Variants in CABP5 observed in about 807,000 individuals in gnomAD.
The protein encoded by CABP5 is calcium-binding protein 5.
A neutral mutation model predicts 21.9 loss-of-function variants in CABP5; 17 were observed. The ratio of observed to expected loss-of-function variants is 0.78; its 90% confidence interval spans 0.53 to 1.17. CABP5 has a LOEUF of 1.17. Ranked by LOEUF, CABP5 falls within the 50% of genes most tolerant of loss-of-function variation. CABP5 has a pLI of 0.00. For missense variants in CABP5, 229 were observed against 228.9 expected (o/e 1.00, Z 0.00); for synonymous variants, 85 against 79.4 (o/e 1.07, Z -0.37).
At chr19:48,042,407 T>C (rs1407486115) in intron 1 of CABP5, among the ~76,000 whole-genome samples, 1 of 152,208 alleles carries the variant, frequency 6.6e-6, no homozygotes, top group African/African-American at 2.4e-5. Context: ...CTCCTGCACA[T>C]ACCTGAAGGG....
intron 1 of CABP5, among the ~76,000 whole-genome samples, chr19:48,042,598 A>G (rs141475342): frequency 0.011 from 1,574 of 145,054 alleles, 29 homozygotes; most frequent in African/African-American, 0.039. Context: ...TTTTTGAGAC[A>G]CAGTCTCGCT....
rs57230665 is a variant in CABP5 at position 48,037,259 on chromosome 19, CTTTTTTTTTT to C, written c.348+1939_348+1948del. 5.2e-3 allele frequency among the ~76,000 whole-genome samples: 234 copies of C among 44,984 alleles called. 7 individuals are homozygous for C. The highest frequency in any genetic ancestry group is 0.012 in the Admixed American group (25 of 2,054). 29.5% of individuals were successfully genotyped at this position (44,984 alleles called of 152,430 possible). ...AAGTACACAATGGAATACTATTCAG[CTTTTTTTTTT>C]TTTTTTTTTTTTTTTTGAGGTGGAG... is the stretch of plus-strand genomic sequence containing the variant. On this transcript the variant is annotated intron_variant, in intron 4 of 5. Transcript: ENST00000293255.
intron 4 of CABP5, among the ~76,000 whole-genome samples, chr19:48,038,986 G>GT (rs1042138259): frequency 1.3e-5 from 2 of 149,298 alleles, no homozygotes; most frequent in Admixed American, 6.7e-5. Context: ...TTGTTTGTTT[G>GT]TTTTTTTGAG....
rs3745746 is a variant in CABP5 at position 48,034,328 on chromosome 19, A to G, written c.383T>C (p.Val128Ala). Residue 128 changes from valine (V) to alanine (A), a missense_variant, in exon 5 of 6, where the codon GTG becomes GCG. Physicochemically the swap from Val to Ala is moderately conservative, Grantham distance 64 (BLOSUM62 0). Coordinates refer to ENST00000293255, the MANE Select transcript of CABP5 (RefSeq NM_019855.5). ...TCTCTGCATGGCCTGCTGTAGCTCCACCAGGGTGATCTCCCCATCTCCATT... is the reference window on the plus strand; with the variant it reads ...TCTCTGCATGGCCTGCTGTAGCTCCGCCAGGGTGATCTCCCCATCTCCATT... Reference protein sequence around the residue: ...DTNGDGEITLVELQQAMQRLL... With the variant: ...DTNGDGEITLAELQQAMQRLL... The G allele has an allele frequency of 0.36, 576,441 of 1,597,842 alleles. 108,724 individuals are homozygous for G. Among genetic ancestry groups the G allele is most frequent in the Middle Eastern group, 0.43 (2,583 of 6,010 alleles).
intron 5 of CABP5, among the ~76,000 whole-genome samples, chr19:48,033,100 C>G (rs993964229): frequency 2.7e-5 from 4 of 149,476 alleles, no homozygotes; most frequent in African/African-American, 9.9e-5. Flanking sequence ...CCCCAGCGTT[C>G]TAGCAATTCT....
intron 4 of CABP5, among the ~76,000 whole-genome samples, chr19:48,036,889 AAATATC>A: frequency 6.6e-6 from 1 of 152,240 alleles, no homozygotes; most frequent in African/African-American, 2.4e-5. Flanking sequence ...AACCACAATG[AAATATC>A]ACCTCACATC....
intron 1 of CABP5, among the ~76,000 whole-genome samples, chr19:48,043,194 A>C (rs1967504434): frequency 1.3e-5 from 2 of 151,478 alleles, no homozygotes; most frequent in Admixed American, 1.3e-4. Flanking sequence ...TATTTTTAGT[A>C]GAGATGGGGT....
In CABP5 at chr19:48,030,473, T is replaced by C; in HGVS notation, c.*84A>G. On this transcript the variant is annotated 3_prime_UTR_variant, in exon 6 of 6. Coordinates refer to ENST00000293255, the MANE Select transcript of CABP5 (RefSeq NM_019855.5). The stretch of plus-strand genomic sequence containing the variant: ...GCCCTCCCTCTCTGCTTTAAGGGGA[T>C]CTGGGGCTTTTGGGCTTTGGTTCTC... 1.4e-6 allele frequency: 2 copies of C among 1,421,706 alleles called. No homozygotes were observed. The highest frequency in any genetic ancestry group is 1.9e-6 in the Non-Finnish European group (2 of 1,025,994). 88.1% of individuals were successfully genotyped at this position (1,421,706 alleles called of 1,614,324 possible). A position where few individuals can be genotyped will look rare whatever the true frequency, so the allele number is the denominator to read the frequency against.
rs867464549 is a variant in CABP5 at position 48,029,794 on chromosome 19, C to G, written c.*763G>C. ...ATGTGGGAGGGGAGACAGAGACAGACAGACAGAGAGAGAGAGAGAGAGAGA... is the reference window on the plus strand; with the variant it reads ...ATGTGGGAGGGGAGACAGAGACAGAGAGACAGAGAGAGAGAGAGAGAGAGA... On this transcript the variant is annotated 3_prime_UTR_variant, in exon 6 of 6. Transcript: ENST00000293255. 1.1e-4 allele frequency among the ~76,000 whole-genome samples: 9 copies of G among 85,462 alleles called. No individual in the cohort carries two copies. The highest frequency in any genetic ancestry group is 2.0e-4 in the African/African-American group (5 of 24,978). 56.1% of individuals were successfully genotyped at this position (85,462 alleles called of 152,430 possible). A position where few individuals can be genotyped will look rare whatever the true frequency, so the allele number is the denominator to read the frequency against.
intron 2 of CABP5, 22 bp from the exon 3 acceptor site, chr19:48,040,770 TG>T (rs1455648335): frequency 2.5e-6 from 4 of 1,613,056 alleles, no homozygotes; most frequent in Non-Finnish European, 3.4e-6. Flanking sequence ...GAGAGAACTT[TG>T]GGGGAACTTG....
intron 4 of CABP5, among the ~76,000 whole-genome samples, chr19:48,038,070 T>C (rs1300724534): frequency 6.6e-6 from 1 of 152,064 alleles, no homozygotes; most frequent in Non-Finnish European, 1.5e-5. Context: ...CCCACCACCA[T>C]GTCTGGCTAA....
rs772482700 is a variant in CABP5 at position 48,039,703 on chromosome 19, C to CTTTTTT, written c.239-392_239-387dup. Among the ~76,000 whole-genome samples the CTTTTTT allele has an allele frequency of 3.9e-4, 23 of 59,232 alleles. 5 individuals are homozygous for CTTTTTT. Among genetic ancestry groups the CTTTTTT allele is most frequent in the African/African-American group, 7.0e-4 (10 of 14,252 alleles). The allele number at this position is 59,232 out of a possible 152,430, so 38.9% of individuals were successfully genotyped here. On this transcript the variant is annotated intron_variant, in intron 3 of 5. Transcript: ENST00000293255. ...ACATGCCCAGAAGCAAACCCAATAG[C>CTTTTTT]TTTTTTTTTTTTTTTTTTTTTTTTT... is the stretch of plus-strand genomic sequence containing the variant.
At chr19:48,036,145 G>C (rs980362256) in intron 4 of CABP5, among the ~76,000 whole-genome samples, 79 of 151,936 alleles carry the variant, frequency 5.2e-4, no homozygotes, top group African/African-American at 1.8e-3. Flanking sequence ...ACTAGTTAAG[G>C]GTGTGCAGGG....
rs1194158859 is a variant in CABP5, at chr19:48,034,348, T to G, written c.363A>C (p.Gly121=). Residue 121 remains glycine, a synonymous_variant, in exon 5 of 6, where the codon GGA becomes GGC. Transcript: ENST00000293255. Reference sequence around the variant, plus strand: ...GCTCCACCAGGGTGATCTCCCCATCTCCATTCGTGTCAAACTGAATAGAAG... The same window carrying G: ...GCTCCACCAGGGTGATCTCCCCATCGCCATTCGTGTCAAACTGAATAGAAG... ...RDAFKEFDTN[G]DGEITLVELQ... is the part of the protein sequence containing the mutation. 6.4e-7 allele frequency: 1 copy of G among 1,569,226 alleles called. No homozygotes were observed. Among genetic ancestry groups the G allele is most frequent in the South Asian group, 1.2e-5 (1 of 84,664 alleles).
intron 5 of CABP5, among the ~76,000 whole-genome samples, chr19:48,033,207 T>G (rs1404725010): frequency 6.6e-6 from 1 of 152,118 alleles, no homozygotes. Context: ...TTTCGCCATG[T>G]TGGCCAGGCT....
At chr19:48,039,809 G>A (rs560572771) in intron 3 of CABP5, among the ~76,000 whole-genome samples, 18 of 144,444 alleles carry the variant, frequency 1.2e-4, no homozygotes, top group Non-Finnish European at 2.4e-4. Context: ...TGCCTCCCGG[G>A]TTCAAGCGAT....
intron 4 of CABP5, among the ~76,000 whole-genome samples, chr19:48,034,676 G>C (rs1967386811): frequency 6.6e-6 from 1 of 151,734 alleles, no homozygotes; most frequent in African/African-American, 2.4e-5. Context: ...CTCCCGAGTA[G>C]CTGGGATTAC....
chr19:48,032,755 G>A (rs935830149), intron 5 of CABP5, among the ~76,000 whole-genome samples: 12 of 151,336 alleles, frequency 7.9e-5, no homozygotes, highest in African/African-American at 2.4e-4. Flanking sequence ...CTCAGCCCCC[G>A]TATAGCCTGG....
chr19:48,032,754 C>T (rs1967356103), intron 5 of CABP5, among the ~76,000 whole-genome samples: 1 of 151,998 alleles, frequency 6.6e-6, no homozygotes, highest in South Asian at 2.1e-4. Context: ...CCTCAGCCCC[C>T]GTATAGCCTG....
Sources: gnomAD v4.1 joint callset for allele counts (sites outside exome capture counted in the v4.1 genomes callset) on GRCh38, gnomAD v4.1.1 for gene constraint, MANE v1.5 for transcripts, NCBI Gene and HGNC (gene_info 2026-07-23, HGNC 2026-07-21) for gene names.